Variants in KCNQ3 observed in about 807,000 individuals in gnomAD.
KCNQ3 encodes potassium voltage-gated channel subfamily KQT member 3.
In KCNQ3, 30 loss-of-function variants were observed where a neutral mutation model predicts 92.5. The observed-to-expected ratio is 0.32, with a 90% CI of 0.24 to 0.44. The LOEUF is 0.44. KCNQ3 is among the 20% of genes least tolerant of loss of function. KCNQ3 has a pLI of 1.00. For missense variants in KCNQ3, 913 were observed against 1,140.3 expected (o/e 0.80, Z 2.87); for synonymous variants, 450 against 468.8 (o/e 0.96, Z 0.52).
intron 1 of KCNQ3, among the ~76,000 whole-genome samples, chr8:132,198,586 A>G (rs1586822440): frequency 6.6e-6 from 1 of 152,158 alleles, no homozygotes; most frequent in East Asian, 1.9e-4. Flanking sequence ...AGGCGGGTGG[A>G]TCACGAGGTC....
chr8:132,322,598 C>T (rs934943542), intron 1 of KCNQ3, among the ~76,000 whole-genome samples: 1 of 152,148 alleles, frequency 6.6e-6, no homozygotes, highest in Non-Finnish European at 1.5e-5. Context: ...GATAGAGTGA[C>T]CCCAACAGGT....
rs900203167 is a variant in KCNQ3 at position 132,365,851 on chromosome 8, G to A, written c.386+114296C>T. The stretch of plus-strand genomic sequence containing the variant: ...TTGAGACTAGCCTAGGCAACATGGC[G>A]AAACCCTGTCTCTACCAAAAATACA... On this transcript the variant is annotated intron_variant, in intron 1 of 14. Transcript: ENST00000388996. Among the ~76,000 whole-genome samples the A allele has an allele frequency of 6.5e-4, 99 of 152,064 alleles. 1 individual carries two copies. The highest frequency in any genetic ancestry group is 2.1e-3 in the African/African-American group (87 of 41,402).
chr8:132,229,582 G>T (rs999605461), intron 1 of KCNQ3, among the ~76,000 whole-genome samples: 13 of 152,006 alleles, frequency 8.6e-5, no homozygotes, highest in African/African-American at 3.1e-4. Flanking sequence ...CTTCTAGGTG[G>T]TGATGTCTAA....
chr8:132,137,005 C>G (rs1360330483), intron 12 of KCNQ3, among the ~76,000 whole-genome samples: 1 of 150,080 alleles, frequency 6.7e-6, no homozygotes, highest in African/African-American at 2.5e-5. Flanking sequence ...GCTGAGATTA[C>G]AGGCGTGCAC....
intron 1 of KCNQ3, among the ~76,000 whole-genome samples, chr8:132,446,855 T>C (rs182900589): frequency 6.6e-6 from 1 of 152,162 alleles, no homozygotes; most frequent in Admixed American, 6.5e-5. Flanking sequence ...AAATCAGGCT[T>C]AATAGAAAAC....
intron 1 of KCNQ3, among the ~76,000 whole-genome samples, chr8:132,443,408 A>G (rs1053850077): frequency 3.9e-5 from 6 of 152,208 alleles, no homozygotes; most frequent in African/African-American, 1.4e-4. Context: ...TAGGGCTAAG[A>G]ATAATTTAAT....
At chr8:132,386,790 C>T (rs900204097) in intron 1 of KCNQ3, among the ~76,000 whole-genome samples, 1 of 152,008 alleles carries the variant, frequency 6.6e-6, no homozygotes, top group African/African-American at 2.4e-5. Flanking sequence ...TCTAATGTTG[C>T]ACTATCTTTT....
chr8:132,242,432 T>TAA (rs1815026977), intron 1 of KCNQ3, among the ~76,000 whole-genome samples: 1 of 152,184 alleles, frequency 6.6e-6, no homozygotes, highest in African/African-American at 2.4e-5. Flanking sequence ...TATTTATGCT[T>TAA]AGAGGTGTCA....
At chr8:132,222,574 T>G (rs1178400016) in intron 1 of KCNQ3, among the ~76,000 whole-genome samples, 1 of 152,166 alleles carries the variant, frequency 6.6e-6, no homozygotes, top group Non-Finnish European at 1.5e-5. Context: ...TAACATTCCA[T>G]GGAGATTCTA....
At chr8:132,465,404 C>T (rs1210299973) in intron 1 of KCNQ3, among the ~76,000 whole-genome samples, 1 of 148,208 alleles carries the variant, frequency 6.7e-6, no homozygotes, top group Admixed American at 6.8e-5. Flanking sequence ...TAGTGAGACC[C>T]CGCCTCTACA....
At chr8:132,157,701 T>A (rs994908672) in intron 9 of KCNQ3, among the ~76,000 whole-genome samples, 1 of 152,188 alleles carries the variant, frequency 6.6e-6, no homozygotes, top group Admixed American at 6.5e-5. Flanking sequence ...GGGATACATG[T>A]GCAGAACGTG....
At chr8:132,228,246 C>T (rs938237247) in intron 1 of KCNQ3, among the ~76,000 whole-genome samples, 6 of 151,684 alleles carry the variant, frequency 4.0e-5, no homozygotes, top group Non-Finnish European at 7.4e-5. Flanking sequence ...TTTCAAGAAT[C>T]CAAAATATTC....
intron 9 of KCNQ3, among the ~76,000 whole-genome samples, chr8:132,161,376 C>A (rs1276052887): frequency 6.6e-6 from 1 of 152,226 alleles, no homozygotes; most frequent in African/African-American, 2.4e-5. Flanking sequence ...TGCCTGTAAT[C>A]CCAGCACTAT....
chr8:132,480,580 G>C lies in KCNQ3; in HGVS notation c.-48C>G, dbSNP rs941833552. On this transcript the variant is annotated 5_prime_UTR_variant, in exon 1 of 15. Transcript: ENST00000388996. ...TTCGCCTTCTCCGCTGCTGCTCTGG[G>C]AAGAAGGGGCGCTCGGGGTGCGTGA... 1 of 1,253,412 alleles carries C rather than the reference G, an allele frequency of 8.0e-7. No individual in the cohort carries two copies. The highest frequency in any genetic ancestry group is 1.0e-6 in the Non-Finnish European group (1 of 975,806). The allele number at this position is 1,253,412 out of a possible 1,614,324, so 77.6% of individuals were successfully genotyped here. A position where few individuals can be genotyped will look rare whatever the true frequency, so the allele number is the denominator to read the frequency against.
At chr8:132,254,223 C>T (rs957785794) in intron 1 of KCNQ3, among the ~76,000 whole-genome samples, 8 of 152,196 alleles carry the variant, frequency 5.3e-5, no homozygotes, top group East Asian at 1.9e-4. Flanking sequence ...ATGTGTGAAA[C>T]GAGCAGGAAA....
chr8:132,134,517 G>T, intron 12 of KCNQ3, 129 bp from the exon 13 acceptor site: 1 of 703,032 alleles, frequency 1.4e-6, no homozygotes, highest in South Asian at 1.6e-5. Context: ...GAGGAGAGGA[G>T]AAGTGAGGAG....
chr8:132,405,280 G>C (rs1013762258), intron 1 of KCNQ3, among the ~76,000 whole-genome samples: 2 of 152,308 alleles, frequency 1.3e-5, no homozygotes, highest in Non-Finnish European at 1.5e-5. Context: ...TGCTGCAAGG[G>C]CGGGTATGGG....
chr8:132,454,744 C>CA (rs1821900490), intron 1 of KCNQ3, among the ~76,000 whole-genome samples: 1 of 152,114 alleles, frequency 6.6e-6, no homozygotes, highest in Admixed American at 6.5e-5. Context: ...ACCCATGGTC[C>CA]TGGAAGTATT....
chr8:132,194,705 C>T (rs910936267), intron 1 of KCNQ3, among the ~76,000 whole-genome samples: 5 of 152,208 alleles, frequency 3.3e-5, no homozygotes, highest in Non-Finnish European at 7.3e-5. Context: ...TTTTCTAAAT[C>T]TTCCTCTTCC....
Sources: gnomAD v4.1 joint callset for allele counts (sites outside exome capture counted in the v4.1 genomes callset) on GRCh38, gnomAD v4.1.1 for gene constraint, MANE v1.5 for transcripts, NCBI Gene and HGNC (gene_info 2026-07-23, HGNC 2026-07-21) for gene names.